Variants in ERBIN observed in about 807,000 individuals in gnomAD.
ERBIN encodes densin-180-like protein.
A neutral mutation model predicts 158.4 loss-of-function variants in ERBIN; 60 were observed. The observed-to-expected ratio is 0.38, with a 90% CI of 0.31 to 0.47. ERBIN has a LOEUF of 0.47. Ranked by LOEUF, ERBIN falls within the 20% of genes least tolerant of loss-of-function variation. The probability of loss-of-function intolerance (pLI) is 0.99; values close to 1 mark genes in which losing one functional copy is unlikely to be tolerated. For missense variants in ERBIN, 1,610 were observed against 1,648.0 expected (o/e 0.98, Z 0.40); for synonymous variants, 594 against 557.2 (o/e 1.07, Z -0.93).
rs147453720 is a variant in ERBIN at position 65,933,618 on chromosome 5, C to T, written c.-58+6812C>T. Reference sequence around the variant, plus strand: ...CTTAATCCTTCTTGCTAAGAAAACTCATCTTTTTTGGAGATCCCACTTTCT... The same window carrying T: ...CTTAATCCTTCTTGCTAAGAAAACTTATCTTTTTTGGAGATCCCACTTTCT... On this transcript the variant is annotated intron_variant, in intron 1 of 25. Transcript: ENST00000284037. Among the ~76,000 whole-genome samples the T allele has an allele frequency of 4.3e-3, 651 of 152,224 alleles. 4 individuals are homozygous for T. Among genetic ancestry groups the T allele is most frequent in the African/African-American group, 0.015 (628 of 41,528 alleles).
intron 1 of ERBIN, among the ~76,000 whole-genome samples, chr5:65,950,022 C>T (rs1746308694): frequency 6.6e-6 from 1 of 151,880 alleles, no homozygotes; most frequent in Non-Finnish European, 1.5e-5. Context: ...CCCCGCTCCC[C>T]TGAGATGGAG....
Position 66,025,687 on chromosome 5 carries a change from T to A in ERBIN, c.890+135T>A, listed in dbSNP as rs561490020. The A allele has an allele frequency of 9.0e-5, 78 of 871,150 alleles. No individual in the cohort carries two copies. The African/African-American group carries it at 1.3e-3, about 14-fold the overall frequency. The allele number at this position is 871,150 out of a possible 1,614,324, so 54.0% of individuals were successfully genotyped here. A position where few individuals can be genotyped will look rare whatever the true frequency, so the allele number is the denominator to read the frequency against. On this transcript the variant is annotated intron_variant, in intron 11 of 25. Transcript: ENST00000284037. ...AAGTAATTAGTATACAGGTTGAGTGTGTTTATGATAGACAAACCTACTTAT... is the reference window on the plus strand; with the variant it reads ...AAGTAATTAGTATACAGGTTGAGTGAGTTTATGATAGACAAACCTACTTAT...
At chr5:65,973,266 G>A (rs1230773790) in intron 1 of ERBIN, among the ~76,000 whole-genome samples, 1 of 150,808 alleles carries the variant, frequency 6.6e-6, no homozygotes, top group Admixed American at 6.6e-5. Context: ...GGTGGGGGGA[G>A]CGGGGAGGGA....
At position 66,053,442 on chromosome 5, in the gene ERBIN, T is replaced by A; in HGVS notation, c.2124T>A (p.Asn708Lys). 1.3e-6 allele frequency: 2 copies of A among 1,505,214 alleles called. No individual in the cohort carries two copies. Among genetic ancestry groups the A allele is most frequent in the Non-Finnish European group, 1.8e-6 (2 of 1,129,124 alleles). 93.2% of individuals were successfully genotyped at this position (1,505,214 alleles called of 1,614,324 possible). A position where few individuals can be genotyped will look rare whatever the true frequency, so the allele number is the denominator to read the frequency against. The change falls in exon 21 of 26, where the codon AAT becomes AAA. Residue 708 changes from asparagine to lysine, a missense_variant. Coordinates refer to ENST00000284037, the MANE Select transcript of ERBIN (RefSeq NM_001253697.2). ...EDENFNSLLQNGDILNSSTEE... is the reference protein window; with the variant it reads ...EDENFNSLLQKGDILNSSTEE... ...AAAATTTTAACAGCCTTTTACAAAA[T>A]GGAGATATTTTAAACAGTTCAACAG...
At chr5:66,000,393 T>C (rs1402313239) in intron 4 of ERBIN, among the ~76,000 whole-genome samples, 1 of 152,152 alleles carries the variant, frequency 6.6e-6, no homozygotes, top group Non-Finnish European at 1.5e-5. Flanking sequence ...AAGAATTACA[T>C]GTTGTAGAGT....
intron 8 of ERBIN, chr5:66,022,861 A>C (rs1755844409): frequency 6.5e-6 from 1 of 153,742 alleles, no homozygotes; most frequent in Admixed American, 6.5e-5. Context: ...AATGAATGTC[A>C]CCAGGGAACA....
At chr5:66,074,932 C>T in intron 22 of ERBIN, 92 bp from the exon 23 acceptor site, 1 of 1,112,586 alleles carries the variant, frequency 9.0e-7, no homozygotes, top group African/African-American at 1.6e-5. Context: ...TGTGAAAACT[C>T]TAGTGCTTTT....
At chr5:66,076,668 A>G (rs564840450) in intron 24 of ERBIN, 176 of 600,638 alleles carry the variant, frequency 2.9e-4, no homozygotes, top group Non-Finnish European at 4.5e-4. Flanking sequence ...CTATAAAAGT[A>G]ATTTTATTAC....
chr5:66,053,818 A>C lies in ERBIN; in HGVS notation c.2500A>C (p.Asn834His), dbSNP rs1408750700. ...TTCTGAGGAAACTTCCCAGTCTCCT[A>C]ATAGGACTGAACCACATGACAGTGA... ...GHSEETSQSP[N>H]RTEPHDSDCS... Residue 834 changes from asparagine to histidine, a missense_variant, in exon 21 of 26, where the codon AAT (asparagine) becomes CAT (histidine). Asn to His is a moderately conservative substitution (Grantham distance 68). Coordinates refer to ENST00000284037, the MANE Select transcript of ERBIN (RefSeq NM_001253697.2). 5.0e-6 allele frequency: 8 copies of C among 1,613,936 alleles called. No individual in the cohort carries two copies. The Admixed American group carries it at 6.7e-5, about 13-fold the overall frequency.
chr5:65,942,190 G>T (rs1447397947), intron 1 of ERBIN, among the ~76,000 whole-genome samples: 1 of 152,176 alleles, frequency 6.6e-6, no homozygotes. Context: ...AGTACAACAG[G>T]AAGCTGTTAG....
At chr5:66,062,127 C>T (rs1000282654) in intron 21 of ERBIN, among the ~76,000 whole-genome samples, 1 of 149,918 alleles carries the variant, frequency 6.7e-6, no homozygotes, top group Non-Finnish European at 1.5e-5. Flanking sequence ...TGGATAATAT[C>T]CTGCAGTGTT....
At position 66,043,065 on chromosome 5, in the gene ERBIN, A is replaced by T. The variant is rs772653863; in HGVS notation, c.1307-12A>T. 5 of 1,564,002 alleles carry T rather than the reference A, an allele frequency of 3.2e-6. No individual in the cohort carries two copies. The highest frequency in any genetic ancestry group is 3.5e-6 in the Non-Finnish European group (4 of 1,149,988). ...AAAATATAGTAGGTTTTTGTTTTTTACTTTTCTCTAGTTATGTTTATATCA... is the reference window on the plus strand; with the variant it reads ...AAAATATAGTAGGTTTTTGTTTTTTTCTTTTCTCTAGTTATGTTTATATCA... On this transcript the variant is annotated splice_polypyrimidine_tract_variant and intron_variant, in intron 15 of 25. Transcript: ENST00000284037.
chr5:66,049,042 CACTTAT>C (rs1380419936), intron 19 of ERBIN, among the ~76,000 whole-genome samples: 2 of 151,918 alleles, frequency 1.3e-5, no homozygotes, highest in Non-Finnish European at 2.9e-5. Flanking sequence ...TCATTTCTGC[CACTTAT>C]CTGCTGTGTA....
intron 21 of ERBIN, among the ~76,000 whole-genome samples, chr5:66,068,368 T>C (rs560032064): frequency 6.6e-6 from 1 of 152,054 alleles, no homozygotes; most frequent in Non-Finnish European, 1.5e-5. Flanking sequence ...TTTGCAAATA[T>C]ATTTTGTGTT....
At chr5:65,950,842 C>T (rs1258541458) in intron 1 of ERBIN, among the ~76,000 whole-genome samples, 1 of 151,228 alleles carries the variant, frequency 6.6e-6, no homozygotes. Context: ...ATGTCATTGG[C>T]ATATGAAAGA....
rs1755185258 is a variant in ERBIN at position 66,018,526 on chromosome 5, ATT to A, written c.534-2795_534-2794del. 5.1e-3 allele frequency among the ~76,000 whole-genome samples: 27 copies of A among 5,320 alleles called. 4 individuals are homozygous for A. Among genetic ancestry groups the A allele is most frequent in the Non-Finnish European group, 9.3e-3 (24 of 2,576 alleles). 3.5% of individuals were successfully genotyped at this position (5,320 alleles called of 152,430 possible). A position where few individuals can be genotyped will look rare whatever the true frequency, so the allele number is the denominator to read the frequency against. ...ATATATTATATATTATATAATATATATTATATTATATAATATATATTATATAT... is the reference window on the plus strand; with the variant it reads ...ATATATTATATATTATATAATATATAATATTATATAATATATATTATATAT... On this transcript the variant is annotated intron_variant, in intron 7 of 25. Transcript: ENST00000284037.
intron 1 of ERBIN, among the ~76,000 whole-genome samples, chr5:65,971,512 A>G (rs16894634): frequency 0.042 from 6,445 of 152,262 alleles, 465 homozygotes; most frequent in African/African-American, 0.15. Context: ...GAAAGTAACC[A>G]AAACCAGTAA....
chr5:65,983,910 C>T (rs1376583271), intron 1 of ERBIN, among the ~76,000 whole-genome samples: 4 of 152,204 alleles, frequency 2.6e-5, no homozygotes, highest in Non-Finnish European at 5.9e-5. Context: ...GGTGCTCAAG[C>T]TCCCAGGGCA....
intron 1 of ERBIN, among the ~76,000 whole-genome samples, chr5:65,960,767 T>G (rs2150956274): frequency 6.6e-6 from 1 of 152,334 alleles, no homozygotes; most frequent in African/African-American, 2.4e-5. Context: ...AATCTTCCCT[T>G]AATTTACAAT....
Sources: allele counts gnomAD v4.1 joint callset (sites outside exome capture counted in the v4.1 genomes callset), GRCh38; gene constraint gnomAD v4.1.1; transcripts MANE v1.5; gene names NCBI Gene and HGNC (gene_info 2026-07-23, HGNC 2026-07-21).